KIAA1217: variants seen among roughly 807,000 people sequenced by gnomAD.
KIAA1217 encodes KIAA1217.
Under a neutral mutation model 163.9 loss-of-function variants are expected in KIAA1217, and 88 were observed. That is an observed-to-expected ratio of 0.54 (90% CI 0.45 to 0.64). KIAA1217 has a LOEUF of 0.64. KIAA1217 is among the 30% of genes least tolerant of loss of function. The pLI is 0.00. For synonymous variants in KIAA1217, 903 were observed against 923.1 expected (o/e 0.98, Z 0.39); for missense variants, 2,372 against 2,475.0 (o/e 0.96, Z 0.88).
At chr10:24,428,110 C>T (rs940154354) in intron 3 of KIAA1217, among the ~76,000 whole-genome samples, 1 of 152,132 alleles carries the variant, frequency 6.6e-6, no homozygotes, top group Non-Finnish European at 1.5e-5. Flanking sequence ...GTACAGAATG[C>T]AGATGTGGGG....
rs75643881 is a variant in KIAA1217, at chr10:23,709,980, C to T, written c.-321+14746C>T. 1.2e-3 allele frequency among the ~76,000 whole-genome samples: 176 copies of T among 152,302 alleles called. 12 individuals carry two copies. The East Asian group carries it at 0.027, about 24-fold the overall frequency. On this transcript the variant is annotated intron_variant, in intron 1 of 18. Transcript: ENST00000376462. ...TGTGAAGAGTTAATTATCTGATTTT[C>T]TTCTCTGGTTGAGAGTGAGCAAATT...
At chr10:24,031,642 T>G (rs1048769304) in intron 2 of KIAA1217, among the ~76,000 whole-genome samples, 5 of 152,168 alleles carry the variant, frequency 3.3e-5, no homozygotes, top group African/African-American at 1.2e-4. Flanking sequence ...AAATAATTTT[T>G]AAAGCTGTGC....
intron 1 of KIAA1217, among the ~76,000 whole-genome samples, chr10:23,714,525 C>T (rs146676501): frequency 1.1e-4 from 16 of 152,194 alleles, no homozygotes; most frequent in Admixed American, 4.6e-4. Flanking sequence ...TTCCTGAATA[C>T]GCTATGCTGC....
At chr10:23,978,746 C>T (rs1296458906) in intron 1 of KIAA1217, among the ~76,000 whole-genome samples, 1 of 152,078 alleles carries the variant, frequency 6.6e-6, no homozygotes, top group Admixed American at 6.5e-5. Context: ...AAAACATACA[C>T]AGAAAGTGCA....
chr10:24,398,579 A>G (rs1245761446), intron 3 of KIAA1217, among the ~76,000 whole-genome samples: 1 of 152,120 alleles, frequency 6.6e-6, no homozygotes, highest in Non-Finnish European at 1.5e-5. Context: ...AGGAAAGTAC[A>G]CTTGGAAGAG....
At chr10:24,197,422 A>T (rs1409827745) in intron 2 of KIAA1217, among the ~76,000 whole-genome samples, 1 of 152,256 alleles carries the variant, frequency 6.6e-6, no homozygotes, top group Non-Finnish European at 1.5e-5. Flanking sequence ...TGACATTGAA[A>T]GAATGTACCA....
chr10:24,424,707 A>G (rs1404961763), intron 3 of KIAA1217, among the ~76,000 whole-genome samples: 1 of 152,138 alleles, frequency 6.6e-6, no homozygotes, highest in Non-Finnish European at 1.5e-5. Flanking sequence ...GGTTCAAGCA[A>G]TTCTCATGCC....
At chr10:23,997,285 T>A (rs773873456) in intron 1 of KIAA1217, among the ~76,000 whole-genome samples, 2 of 152,184 alleles carry the variant, frequency 1.3e-5, no homozygotes, top group Admixed American at 6.5e-5. Context: ...AAAAGTATCA[T>A]TGAAGGGAAA....
At chr10:24,116,058 G>A (rs765028423) in intron 2 of KIAA1217, among the ~76,000 whole-genome samples, 2 of 151,914 alleles carry the variant, frequency 1.3e-5, no homozygotes, top group African/African-American at 2.4e-5. Flanking sequence ...GACTTCCCTC[G>A]TTGACAGTGT....
At chr10:24,079,299 G>A (rs773483023) in intron 2 of KIAA1217, among the ~76,000 whole-genome samples, 1 of 152,176 alleles carries the variant, frequency 6.6e-6, no homozygotes, top group East Asian at 1.9e-4. Context: ...TCAGCATCAG[G>A]GAAATGGGAG....
At chr10:24,019,726 C>G (rs979438648) in intron 2 of KIAA1217, among the ~76,000 whole-genome samples, 1 of 151,818 alleles carries the variant, frequency 6.6e-6, no homozygotes, top group African/African-American at 2.4e-5. Context: ...CTACATTTGG[C>G]CCTTGGATGA....
At chr10:24,164,927 C>T (rs955688154) in intron 2 of KIAA1217, among the ~76,000 whole-genome samples, 1 of 152,196 alleles carries the variant, frequency 6.6e-6, no homozygotes, top group African/African-American at 2.4e-5. Flanking sequence ...AGGAAGGGTG[C>T]CTTCCCCTTC....
chr10:23,748,421 G>A (rs1399985542), intron 1 of KIAA1217, among the ~76,000 whole-genome samples: 1 of 149,540 alleles, frequency 6.7e-6, no homozygotes, highest in African/African-American at 2.5e-5. Context: ...GCACTAGCAG[G>A]CACCCAAGAA....
chr10:24,528,212 C>A, intron 14 of KIAA1217, 93 bp downstream of exon 14: 2 of 972,180 alleles, frequency 2.1e-6, no homozygotes, highest in Non-Finnish European at 3.0e-6. Flanking sequence ...ATCAACAGAA[C>A]CAATGTCTCA....
At chr10:24,535,229 G>A (rs777343831) in intron 16 of KIAA1217, among the ~76,000 whole-genome samples, 4 of 152,232 alleles carry the variant, frequency 2.6e-5, no homozygotes, top group South Asian at 2.1e-4. Context: ...AAACACATCC[G>A]GGGCAAGCTA....
At chr10:23,747,786 C>T (rs1839490636) in intron 1 of KIAA1217, among the ~76,000 whole-genome samples, 2 of 152,176 alleles carry the variant, frequency 1.3e-5, no homozygotes, top group African/African-American at 2.4e-5. Context: ...TCTTGCTGAG[C>T]TCCGGGGATT....
chr10:24,315,932 G>T lies in KIAA1217; in HGVS notation c.355-64937G>T, dbSNP rs561858597. On this transcript the variant is annotated intron_variant, in intron 2 of 20. Transcript: ENST00000376454. Reference sequence around the variant, plus strand: ...AGTTTATCTTTATTTTATCTAATGGGGGGGGGGAATCCAAGGAGCTTTTTA... The same window carrying T: ...AGTTTATCTTTATTTTATCTAATGGTGGGGGGGAATCCAAGGAGCTTTTTA... Among the ~76,000 whole-genome samples, 165 of 148,874 alleles carry T rather than the reference G, an allele frequency of 1.1e-3. 2 individuals are homozygous for T. Among genetic ancestry groups the T allele is most frequent in the African/African-American group, 3.8e-3 (154 of 40,684 alleles).
chr10:24,254,478 G>A (rs980536618), intron 2 of KIAA1217, among the ~76,000 whole-genome samples: 1 of 152,196 alleles, frequency 6.6e-6, no homozygotes, highest in Non-Finnish European at 1.5e-5. Context: ...GTGGGTTGGG[G>A]GCTGCAGGCC....
At chr10:24,523,598 G>A (rs763796531) in intron 12 of KIAA1217, among the ~76,000 whole-genome samples, 1 of 152,302 alleles carries the variant, frequency 6.6e-6, no homozygotes, top group South Asian at 2.1e-4. Context: ...GTTAATGTTA[G>A]TCCTAACGAC....
Sources: gnomAD v4.1 joint callset for allele counts (sites outside exome capture counted in the v4.1 genomes callset) on GRCh38, gnomAD v4.1.1 for gene constraint, MANE v1.5 for transcripts, NCBI Gene and HGNC (gene_info 2026-07-23, HGNC 2026-07-21) for gene names.